Variants in CNTNAP2 observed in about 807,000 individuals in gnomAD.
The protein encoded by CNTNAP2 is contactin associated protein 2.
Under a neutral mutation model 155.2 loss-of-function variants are expected in CNTNAP2, and 98 were observed. The observed-to-expected ratio is 0.63, with a 90% CI of 0.54 to 0.75. The LOEUF is 0.75. Among genes scored for constraint, CNTNAP2 ranks in the 30% least tolerant of loss-of-function variants. The pLI is 0.00. For missense variants in CNTNAP2, 1,727 were observed against 1,688.1 expected, an observed-to-expected ratio of 1.02 and a Z score of -0.40; for synonymous variants, 651 against 631.2, an observed-to-expected ratio of 1.03 and a Z score of -0.47.
chr7:147,628,404 A>G (rs762402883), intron 12 of CNTNAP2, among the ~76,000 whole-genome samples: 2 of 152,212 alleles, frequency 1.3e-5, no homozygotes, highest in Non-Finnish European at 2.9e-5. Context: ...TGAAGGAGAG[A>G]TAAAGTCTTT....
intron 1 of CNTNAP2, among the ~76,000 whole-genome samples, chr7:146,660,797 C>T (rs1201517703): frequency 1.3e-5 from 2 of 152,176 alleles, no homozygotes; most frequent in Non-Finnish European, 2.9e-5. Context: ...AAGTCTTTCA[C>T]ATATTTGAAA....
At chr7:146,901,059 G>A (rs998966154) in intron 3 of CNTNAP2, among the ~76,000 whole-genome samples, 1 of 147,360 alleles carries the variant, frequency 6.8e-6, no homozygotes, top group African/African-American at 2.6e-5. Context: ...TAATAATAAT[G>A]TTTCTTTATC....
chr7:146,941,146 T>C (rs1224065885), intron 3 of CNTNAP2, among the ~76,000 whole-genome samples: 1 of 152,152 alleles, frequency 6.6e-6, no homozygotes, highest in Admixed American at 6.5e-5. Context: ...TACTACACTA[T>C]ATTGTTCATT....
intron 13 of CNTNAP2, among the ~76,000 whole-genome samples, chr7:147,693,191 T>C (rs1796114962): frequency 1.3e-5 from 2 of 152,114 alleles, no homozygotes; most frequent in Admixed American, 1.3e-4. Context: ...TTCTTTGTTC[T>C]GTTCAGCTAA....
chr7:148,205,688 C>T (rs774241435), intron 18 of CNTNAP2, among the ~76,000 whole-genome samples: 41 of 152,174 alleles, frequency 2.7e-4, no homozygotes, highest in Non-Finnish European at 5.7e-4. Flanking sequence ...CATACGCACA[C>T]AAAAGAACCC....
At chr7:146,832,588 C>T (rs1338153482) in intron 2 of CNTNAP2, among the ~76,000 whole-genome samples, 1 of 146,960 alleles carries the variant, frequency 6.8e-6, no homozygotes, top group Non-Finnish European at 1.5e-5. Context: ...TTAATATTAA[C>T]TTCAATATAT....
intron 3 of CNTNAP2, among the ~76,000 whole-genome samples, chr7:146,968,729 C>T (rs1474038549): frequency 1.3e-5 from 2 of 150,902 alleles, no homozygotes; most frequent in Admixed American, 6.6e-5. Flanking sequence ...TGCTAGCAGT[C>T]TATCAATTTT....
intron 1 of CNTNAP2, among the ~76,000 whole-genome samples, chr7:146,151,679 TATGTATA>T (rs1798050231): frequency 3.0e-5 from 1 of 33,172 alleles, no homozygotes; most frequent in Non-Finnish European, 5.9e-5. Context: ...TATATATATA[TATGTATA>T]TATATATATA....
chr7:147,745,822 TC>T (rs1165312123), intron 13 of CNTNAP2, among the ~76,000 whole-genome samples: 1 of 152,218 alleles, frequency 6.6e-6, no homozygotes, highest in African/African-American at 2.4e-5. Context: ...GCGCAATCAT[TC>T]TTTTCTACTA....
intron 1 of CNTNAP2, among the ~76,000 whole-genome samples, chr7:146,612,312 C>G (rs962537870): frequency 2.0e-5 from 3 of 152,076 alleles, no homozygotes; most frequent in African/African-American, 7.2e-5. Context: ...AACAGCAAAA[C>G]TAGTTTACAG....
intron 16 of CNTNAP2, among the ~76,000 whole-genome samples, chr7:148,135,752 G>A (rs1363715589): frequency 6.7e-6 from 1 of 149,908 alleles, no homozygotes; most frequent in East Asian, 2.0e-4. Flanking sequence ...GGGAGGCTGA[G>A]GCAGGAGAAT....
At chr7:148,227,805 T>G (rs1795880227) in intron 19 of CNTNAP2, among the ~76,000 whole-genome samples, 1 of 152,164 alleles carries the variant, frequency 6.6e-6, no homozygotes, top group Non-Finnish European at 1.5e-5. Flanking sequence ...TAGCTCTTGA[T>G]TATTCTAACA....
intron 4 of CNTNAP2, among the ~76,000 whole-genome samples, chr7:147,073,323 A>C (rs1051291946): frequency 1.3e-5 from 2 of 151,920 alleles, no homozygotes; most frequent in Non-Finnish European, 2.9e-5. Context: ...AAAAAAAAAA[A>C]AAAAACCACA....
chr7:147,136,357 A>G (rs957650060), intron 8 of CNTNAP2, among the ~76,000 whole-genome samples: 3 of 151,950 alleles, frequency 2.0e-5, no homozygotes, highest in Non-Finnish European at 4.4e-5. Context: ...TATTGCTTCA[A>G]TTTTCGAATG....
intron 14 of CNTNAP2, among the ~76,000 whole-genome samples, chr7:147,937,210 T>C (rs1234502487): frequency 6.6e-6 from 1 of 152,162 alleles, no homozygotes; most frequent in East Asian, 1.9e-4. Context: ...ATTGGTCAGT[T>C]TGTGAATCTT....
intron 16 of CNTNAP2, among the ~76,000 whole-genome samples, chr7:148,131,512 T>C (rs1264646536): frequency 6.6e-6 from 1 of 152,170 alleles, no homozygotes; most frequent in Non-Finnish European, 1.5e-5. Context: ...CCTATGACCA[T>C]CTGTAAGACA....
At chr7:147,250,138 C>T (rs953808341) in intron 8 of CNTNAP2, among the ~76,000 whole-genome samples, 2 of 152,084 alleles carry the variant, frequency 1.3e-5, no homozygotes, top group African/African-American at 4.8e-5. Context: ...TTCACAAGCT[C>T]CCCATGTGAT....
intron 18 of CNTNAP2, among the ~76,000 whole-genome samples, chr7:148,198,650 A>C (rs1795316111): frequency 1.3e-5 from 2 of 152,336 alleles, no homozygotes; most frequent in South Asian, 2.1e-4. Flanking sequence ...CCATCTTTTC[A>C]GATGTGCCCT....
At chr7:147,488,040 G>A (rs1025918689) in intron 11 of CNTNAP2, among the ~76,000 whole-genome samples, 3 of 90,540 alleles carry the variant, frequency 3.3e-5, no homozygotes, top group Non-Finnish European at 6.3e-5. Flanking sequence ...TTCAAGAGAG[G>A]GTTGGCTGGT....
Sources: gnomAD v4.1 joint callset for allele counts (sites outside exome capture counted in the v4.1 genomes callset) on GRCh38, gnomAD v4.1.1 for gene constraint, MANE v1.5 for transcripts, NCBI Gene and HGNC (gene_info 2026-07-23, HGNC 2026-07-21) for gene names.